Variants in BCKDHB observed in about 807,000 individuals in gnomAD.
The protein encoded by BCKDHB is 2-oxoisovalerate dehydrogenase subunit beta, mitochondrial.
In BCKDHB, 41 loss-of-function variants were observed where a neutral mutation model predicts 48.5. The ratio of observed to expected loss-of-function variants is 0.85; its 90% CI spans 0.66 to 1.10. The LOEUF (loss-of-function observed/expected upper bound fraction) is 1.10, where lower values mean the gene tolerates loss of function less well. BCKDHB is among the 50% of genes least tolerant of loss of function. The pLI is 0.00. For missense variants in BCKDHB, 496 were observed against 494.2 expected (o/e 1.00, Z -0.03); for synonymous variants, 201 against 174.8 (o/e 1.15, Z -1.18).
At chr6:80,182,705 T>G (rs1323338703) in intron 6 of BCKDHB, among the ~76,000 whole-genome samples, 1 of 152,170 alleles carries the variant, frequency 6.6e-6, no homozygotes, top group Non-Finnish European at 1.5e-5. Flanking sequence ...GTAAACAGAT[T>G]TTGTATGTGT....
At chr6:80,244,115 C>G (rs550850576) in intron 8 of BCKDHB, among the ~76,000 whole-genome samples, 1 of 152,046 alleles carries the variant, frequency 6.6e-6, no homozygotes, top group Non-Finnish European at 1.5e-5. Context: ...TGTTAGGAAA[C>G]TGATTGGGAA....
the BCKDHB span, among the ~76,000 whole-genome samples, chr6:80,461,562 C>G: frequency 6.6e-6 from 1 of 152,126 alleles, no homozygotes; most frequent in Admixed American, 6.6e-5. Context: ...TTGCTATCAT[C>G]CTAATCATAA....
At chr6:80,157,679 A>G (rs181644582) in intron 3 of BCKDHB, among the ~76,000 whole-genome samples, 1 of 149,856 alleles carries the variant, frequency 6.7e-6, no homozygotes, top group Non-Finnish European at 1.5e-5. Flanking sequence ...GGGTTTCTCC[A>G]TGTTGGTCAG....
the BCKDHB span, among the ~76,000 whole-genome samples, chr6:80,439,998 G>A: frequency 4.6e-5 from 7 of 152,128 alleles, no homozygotes; most frequent in East Asian, 1.9e-4. Flanking sequence ...AACTCAAAAG[G>A]AGCAATAAAA....
chr6:80,363,462 TGTCAAA>T, the BCKDHB span, among the ~76,000 whole-genome samples: 2 of 152,216 alleles, frequency 1.3e-5, no homozygotes, highest in Admixed American at 1.3e-4. Context: ...ATCATCAGAA[TGTCAAA>T]GTCTGAAATC....
chr6:80,400,848 A>G, the BCKDHB span, among the ~76,000 whole-genome samples: 354 of 152,174 alleles, frequency 2.3e-3, 2 homozygotes, highest in Non-Finnish European at 3.4e-3. Flanking sequence ...GATAAAGAAA[A>G]TGTAGTACAT....
chr6:80,408,510 A>C, the BCKDHB span, among the ~76,000 whole-genome samples: 396 of 152,104 alleles, frequency 2.6e-3, 4 homozygotes, highest in African/African-American at 9.0e-3. Flanking sequence ...TTGTTAGGCT[A>C]TTAATTATTG....
chr6:80,229,680 T>C (rs539591760), intron 8 of BCKDHB, among the ~76,000 whole-genome samples: 1 of 152,282 alleles, frequency 6.6e-6, no homozygotes, highest in African/African-American at 2.4e-5. Flanking sequence ...TTTTGAAATC[T>C]AGAAGACTTT....
intron 3 of BCKDHB, among the ~76,000 whole-genome samples, chr6:80,166,522 G>C (rs1772576806): frequency 6.7e-6 from 1 of 148,946 alleles, no homozygotes; most frequent in African/African-American, 2.5e-5. Context: ...TGGGTGTAGT[G>C]GTGGGCGCCT....
chr6:80,221,782 G>A (rs1040359559), intron 8 of BCKDHB, among the ~76,000 whole-genome samples: 1 of 152,068 alleles, frequency 6.6e-6, no homozygotes, highest in African/African-American at 2.4e-5. Context: ...GGCTTACTGA[G>A]AAATGTATCA....
intron 7 of BCKDHB, 70 bp downstream of exon 7, chr6:80,201,101 C>T (rs762275036): frequency 6.9e-5 from 89 of 1,285,724 alleles, no homozygotes; most frequent in Non-Finnish European, 9.3e-5. Flanking sequence ...AATCCTGATA[C>T]ATGAAAAATT....
chr6:80,247,400 C>T (rs917088755), intron 8 of BCKDHB, among the ~76,000 whole-genome samples: 1 of 152,210 alleles, frequency 6.6e-6, no homozygotes, highest in African/African-American at 2.4e-5. Flanking sequence ...GAAGAATACT[C>T]AATCAGCTAC....
chr6:80,132,747 T>C (rs1234935639), intron 3 of BCKDHB, among the ~76,000 whole-genome samples: 2 of 152,134 alleles, frequency 1.3e-5, no homozygotes, highest in Non-Finnish European at 2.9e-5. Flanking sequence ...AGGATGTTGA[T>C]CAAGATGAAA....
chr6:80,352,099 C>T, the BCKDHB span, among the ~76,000 whole-genome samples: 17 of 151,970 alleles, frequency 1.1e-4, no homozygotes, highest in African/African-American at 4.1e-4. Flanking sequence ...GTTGGGATTA[C>T]AGGCGTTAGC....
intron 9 of BCKDHB, among the ~76,000 whole-genome samples, chr6:80,313,392 G>A (rs934897983): frequency 9.2e-5 from 14 of 151,864 alleles, no homozygotes; most frequent in Non-Finnish European, 1.9e-4. Flanking sequence ...ATGGAGTCTC[G>A]CTTTGTCACC....
At chr6:80,255,568 G>A (rs575216746) in intron 8 of BCKDHB, among the ~76,000 whole-genome samples, 32 of 152,222 alleles carry the variant, frequency 2.1e-4, no homozygotes, top group Non-Finnish European at 4.6e-4. Flanking sequence ...TGCTCTTACC[G>A]AACAGCATGC....
intron 8 of BCKDHB, among the ~76,000 whole-genome samples, chr6:80,234,076 T>A (rs1776045864): frequency 6.6e-6 from 1 of 152,170 alleles, no homozygotes. Flanking sequence ...TTTGCACTTC[T>A]ATGAGAATCG....
chr6:80,249,908 G>T (rs896974927), intron 8 of BCKDHB, among the ~76,000 whole-genome samples: 1 of 152,104 alleles, frequency 6.6e-6, no homozygotes, highest in Non-Finnish European at 1.5e-5. Context: ...TGGCATTGTT[G>T]TAAGCACCTG....
chr6:80,465,210 TA>T, the BCKDHB span, among the ~76,000 whole-genome samples: 1 of 152,150 alleles, frequency 6.6e-6, no homozygotes, highest in African/African-American at 2.4e-5. Context: ...TGGTTAGTTT[TA>T]AAAGGCTGAC....
Sources: gnomAD v4.1 joint callset for allele counts (sites outside exome capture counted in the v4.1 genomes callset) on GRCh38, gnomAD v4.1.1 for gene constraint, MANE v1.5 for transcripts, NCBI Gene and HGNC (gene_info 2026-07-23, HGNC 2026-07-21) for gene names.